Variants in CYB5B observed in about 807,000 individuals in gnomAD.
CYB5B encodes cytochrome b5 type B.
Under a neutral mutation model 21.3 loss-of-function variants are expected in CYB5B, and 14 were observed. That is an observed-to-expected ratio of 0.66 (90% confidence interval 0.43 to 1.03). The LOEUF (loss-of-function observed/expected upper bound fraction) is 1.03. Ranked by LOEUF, CYB5B falls within the 50% of genes least tolerant of loss-of-function variation. CYB5B has a pLI of 0.00. For missense variants in CYB5B, 166 were observed against 185.1 expected, an observed-to-expected ratio of 0.90 and a Z score of 0.60; for synonymous variants, 69 against 68.4, an observed-to-expected ratio of 1.01 and a Z score of -0.04.
intron 3 of CYB5B, among the ~76,000 whole-genome samples, chr16:69,453,751 G>T (rs1275471683): frequency 6.6e-6 from 1 of 152,098 alleles, no homozygotes; most frequent in African/African-American, 2.4e-5. Flanking sequence ...TAGAGATGGG[G>T]TTTCACCATG....
chr16:69,442,694 T>C (rs548517505), intron 1 of CYB5B, among the ~76,000 whole-genome samples: 35 of 152,010 alleles, frequency 2.3e-4, no homozygotes, highest in African/African-American at 7.7e-4. Context: ...ATTTTTAAAA[T>C]TTTTTTTGTG....
intron 1 of CYB5B, among the ~76,000 whole-genome samples, chr16:69,434,452 A>G (rs2014738728): frequency 1.3e-5 from 2 of 152,238 alleles, no homozygotes; most frequent in Admixed American, 1.3e-4. Context: ...CAACTGCCAG[A>G]GCATTTTCCA....
At chr16:69,454,881 T>G (rs1289619559) in intron 3 of CYB5B, among the ~76,000 whole-genome samples, 2 of 152,162 alleles carry the variant, frequency 1.3e-5, no homozygotes, top group African/African-American at 4.8e-5. Flanking sequence ...CCCTGTTTTT[T>G]GGGGTTTTTG....
intron 1 of CYB5B, among the ~76,000 whole-genome samples, chr16:69,438,039 A>T (rs890752086): frequency 2.0e-5 from 3 of 152,148 alleles, no homozygotes; most frequent in Non-Finnish European, 4.4e-5. Flanking sequence ...TCCAAACTGA[A>T]ACTCTGTACT....
chr16:69,461,519 T>C (rs1359770504), intron 4 of CYB5B, among the ~76,000 whole-genome samples: 2 of 152,348 alleles, frequency 1.3e-5, no homozygotes, highest in African/African-American at 4.8e-5. Flanking sequence ...GCTCGTTTTA[T>C]TGACTTCAAA....
At chr16:69,454,065 A>G (rs1024874216) in intron 3 of CYB5B, among the ~76,000 whole-genome samples, 7 of 152,192 alleles carry the variant, frequency 4.6e-5, no homozygotes, top group African/African-American at 1.7e-4. Context: ...GTAAGGAAAC[A>G]TTCTTTTCAA....
chr16:69,459,218 G>C (rs2015010290), intron 4 of CYB5B, 97 bp downstream of exon 4: 1 of 1,419,280 alleles, frequency 7.0e-7, no homozygotes, highest in Non-Finnish European at 9.5e-7. Flanking sequence ...TATGAGTGCA[G>C]TTTGACAACT....
At chr16:69,451,762 T>C (rs1444807811) in intron 3 of CYB5B, among the ~76,000 whole-genome samples, 2 of 151,478 alleles carry the variant, frequency 1.3e-5, no homozygotes, top group Non-Finnish European at 2.9e-5. Flanking sequence ...CCATCCTGGC[T>C]AACATGGTGA....
chr16:69,443,066 G>A (rs1015804897), intron 1 of CYB5B, among the ~76,000 whole-genome samples: 2 of 152,042 alleles, frequency 1.3e-5, no homozygotes, highest in African/African-American at 2.4e-5. Context: ...TTCCCGAATA[G>A]TTGGGATTAC....
chr16:69,458,586 AATT>A (rs111634145), intron 3 of CYB5B, among the ~76,000 whole-genome samples: 10 of 152,234 alleles, frequency 6.6e-5, no homozygotes, highest in Admixed American at 2.0e-4. Context: ...CTCCTGTCAT[AATT>A]ATTATGATTT....
intron 4 of CYB5B, among the ~76,000 whole-genome samples, chr16:69,461,602 A>G (rs1450665010): frequency 1.3e-5 from 2 of 152,184 alleles, no homozygotes; most frequent in Admixed American, 6.5e-5. Context: ...GAAGAATTAT[A>G]CCTTAAAACT....
intron 1 of CYB5B, among the ~76,000 whole-genome samples, chr16:69,429,158 T>A (rs1459783859): frequency 6.6e-6 from 1 of 152,132 alleles, no homozygotes; most frequent in African/African-American, 2.4e-5. Context: ...TCTCTCTGAC[T>A]TGAAGAATGA....
In CYB5B at chr16:69,464,669, A is replaced by T. The variant is rs1180039582; in HGVS notation, c.*2149A>T. On this transcript the variant is annotated 3_prime_UTR_variant, in exon 5 of 5. Coordinates refer to ENST00000307892, the MANE Select transcript of CYB5B (RefSeq NM_030579.3). ...TTATAAGAAATGTTAAAGAACTACC[A>T]TCTTAAGTAAAATTGGTGTTTTTGT... The T allele has an allele frequency of 6.5e-6, 1 of 152,690 alleles. No homozygotes were observed. Among genetic ancestry groups the T allele is most frequent in the African/African-American group, 2.4e-5 (1 of 41,472 alleles). The allele number at this position is 152,690 out of a possible 1,614,324, so 9.5% of individuals were successfully genotyped here. A position where few individuals can be genotyped will look rare whatever the true frequency, so the allele number is the denominator to read the frequency against.
chr16:69,435,919 C>T (rs1044882002), intron 1 of CYB5B, among the ~76,000 whole-genome samples: 6 of 152,066 alleles, frequency 3.9e-5, no homozygotes, highest in Non-Finnish European at 5.9e-5. Flanking sequence ...ATTACAGAAG[C>T]GAGCCACTGT....
rs1449345998 is a variant in CYB5B, at chr16:69,465,740, T to A, written c.*3220T>A. On this transcript the variant is annotated 3_prime_UTR_variant, in exon 5 of 5. Coordinates refer to ENST00000307892, the MANE Select transcript of CYB5B (RefSeq NM_030579.3). Reference sequence around the variant, plus strand: ...TTTAGGAGATTGAGATGCAGAACGTTAATGTTCATTACCTCCTCCTACCCC... The same window carrying A: ...TTTAGGAGATTGAGATGCAGAACGTAAATGTTCATTACCTCCTCCTACCCC... 1 of 152,232 alleles carries A rather than the reference T, an allele frequency of 6.6e-6. No individual in the cohort carries two copies. The highest frequency in any genetic ancestry group is 1.9e-4 in the East Asian group (1 of 5,204). 9.4% of individuals were successfully genotyped at this position (152,232 alleles called of 1,614,324 possible). A position where few individuals can be genotyped will look rare whatever the true frequency, so the allele number is the denominator to read the frequency against.
intron 3 of CYB5B, chr16:69,450,228 A>AC (rs1330062181): frequency 2.7e-5 from 4 of 146,204 alleles, no homozygotes; most frequent in Admixed American, 2.7e-4. Flanking sequence ...TCAAAAAAAA[A>AC]AAAAAAAAAA....
intron 3 of CYB5B, chr16:69,450,234 A>AC (rs928545227): frequency 3.4e-5 from 5 of 147,496 alleles, no homozygotes; most frequent in East Asian, 1.9e-4. Flanking sequence ...AAAAAAAAAA[A>AC]AAAAAACCCA....
At chr16:69,448,923 C>T (rs1485971642) in intron 3 of CYB5B, 1 of 152,140 alleles carries the variant, frequency 6.6e-6, no homozygotes, top group Admixed American at 6.6e-5. Flanking sequence ...GCTTCCCATT[C>T]CTCATTGAGC....
At chr16:69,455,189 C>T (rs537361777) in intron 3 of CYB5B, among the ~76,000 whole-genome samples, 3 of 152,164 alleles carry the variant, frequency 2.0e-5, no homozygotes, top group South Asian at 2.1e-4. Flanking sequence ...CCACTGCACC[C>T]GGCTTCCCTG....
Sources: allele counts gnomAD v4.1 joint callset (sites outside exome capture counted in the v4.1 genomes callset), GRCh38; gene constraint gnomAD v4.1.1; transcripts MANE v1.5; gene names NCBI Gene and HGNC (gene_info 2026-07-23, HGNC 2026-07-21).